The following NUP54 variants were observed in gnomAD, a reference collection of about 807,000 sequenced individuals.
NUP54 encodes nucleoporin 54.
A neutral mutation model predicts 66.4 loss-of-function variants in NUP54; 27 were observed. The observed-to-expected ratio is 0.41, with a 90% CI of 0.30 to 0.56. NUP54 has a LOEUF of 0.56. Among genes scored for constraint, NUP54 ranks in the 20% least tolerant of loss-of-function variants. NUP54 has a pLI of 0.34. For synonymous variants in NUP54, 206 were observed against 210.7 expected (o/e 0.98, Z 0.19); for missense variants, 486 against 596.3 (o/e 0.82, Z 1.93).
At chr4:76,118,424 C>T in intron 9 of NUP54, 1 of 449,834 alleles carries the variant, frequency 2.2e-6, no homozygotes, top group Non-Finnish European at 4.1e-6. Context: ...CTTGCTCTGT[C>T]TCCCAGGCTG....
intron 3 of NUP54, among the ~76,000 whole-genome samples, chr4:76,140,785 A>C (rs1731237589): frequency 6.6e-6 from 1 of 151,820 alleles, no homozygotes. Flanking sequence ...CCTCTTCCAT[A>C]ATGTGTGATC....
In NUP54 at chr4:76,134,366, T is replaced by A. The variant is rs967501938; in HGVS notation, c.523-4A>T. 2 of 1,606,096 alleles carry A rather than the reference T, an allele frequency of 1.2e-6. No homozygotes were observed. Among genetic ancestry groups the A allele is most frequent in the Admixed American group, 1.7e-5 (1 of 58,598 alleles). The stretch of plus-strand genomic sequence containing the variant: ...GCATGCAACTATAACCTACTGCCTG[T>A]GGAATGACAAAATAAACAATATAAA... On this transcript the variant is annotated splice_region_variant and splice_polypyrimidine_tract_variant and intron_variant, in intron 4 of 11. Coordinates refer to ENST00000264883, the MANE Select transcript of NUP54 (RefSeq NM_017426.4).
rs780940472 is a variant in NUP54 at position 76,144,305 on chromosome 4, A to G, written c.152-13T>C. On this transcript the variant is annotated splice_polypyrimidine_tract_variant and intron_variant, in intron 2 of 11. Coordinates refer to ENST00000264883, the MANE Select transcript of NUP54 (RefSeq NM_017426.4). ...CCACCAAAGAGTCCTTTGAATGAAAAATTGGAACTTCGTAAGTTAAAAAAA... is the reference window on the plus strand; with the variant it reads ...CCACCAAAGAGTCCTTTGAATGAAAGATTGGAACTTCGTAAGTTAAAAAAA... 3.2e-5 allele frequency: 51 copies of G among 1,593,366 alleles called. No homozygotes were observed. The highest frequency in any genetic ancestry group is 4.2e-5 in the Non-Finnish European group (49 of 1,175,354).
chr4:76,118,930 C>T (rs565485980), intron 9 of NUP54, among the ~76,000 whole-genome samples: 2 of 151,994 alleles, frequency 1.3e-5, no homozygotes, highest in South Asian at 2.1e-4. Flanking sequence ...GCGGAAAACC[C>T]GGGAGGCAGA....
chr4:76,136,034 A>C, intron 4 of NUP54, 152 bp downstream of exon 4: 1 of 622,518 alleles, frequency 1.6e-6, no homozygotes, highest in East Asian at 2.9e-5. Flanking sequence ...AAATCACTTC[A>C]ATTTTATAAT....
At chr4:76,135,023 T>C (rs1247457960) in intron 4 of NUP54, among the ~76,000 whole-genome samples, 5 of 152,120 alleles carry the variant, frequency 3.3e-5, no homozygotes, top group African/African-American at 1.2e-4. Context: ...TATTGGGATG[T>C]AACCCATAAT....
intron 7 of NUP54, 78 bp downstream of exon 7, chr4:76,131,152 A>G: frequency 1.1e-6 from 1 of 873,992 alleles, no homozygotes; most frequent in Non-Finnish European, 1.9e-6. Flanking sequence ...TGTAAGAATT[A>G]TAATTAATAG....
rs13115827 is a variant in NUP54, at chr4:76,118,199, A to G, written c.1165-5T>C. 299,002 of 1,609,756 alleles carry G rather than the reference A, an allele frequency of 0.19. 29,312 individuals are homozygous for G. Among genetic ancestry groups the G allele is most frequent in the East Asian group, 0.37 (16,417 of 44,806 alleles). On this transcript the variant is annotated splice_region_variant and splice_polypyrimidine_tract_variant and intron_variant, in intron 9 of 11. Transcript: ENST00000264883. The stretch of plus-strand genomic sequence containing the variant: ...AATTTCCTGTTTGATTAGGACCTAT[A>G]CAAATAAAAACCACCAATAACAACA...
At chr4:76,120,003 T>C (rs1376629259) in intron 9 of NUP54, among the ~76,000 whole-genome samples, 1 of 152,192 alleles carries the variant, frequency 6.6e-6, no homozygotes, top group African/African-American at 2.4e-5. Context: ...TTAAGAAGTA[T>C]AGCTCTAATT....
At chr4:76,124,592 A>G in intron 9 of NUP54, 57 bp downstream of exon 9, 1 of 657,090 alleles carries the variant, frequency 1.5e-6, no homozygotes, top group Non-Finnish European at 2.7e-6. Context: ...TATATTTAGT[A>G]CATTATTTCA....
chr4:76,123,696 T>C (rs901677836), intron 9 of NUP54, among the ~76,000 whole-genome samples: 1 of 152,060 alleles, frequency 6.6e-6, no homozygotes, highest in Non-Finnish European at 1.5e-5. Context: ...TGTATTTTAG[T>C]AGAGATGGGG....
intron 9 of NUP54, among the ~76,000 whole-genome samples, chr4:76,119,289 T>C (rs913589089): frequency 6.6e-6 from 1 of 152,138 alleles, no homozygotes; most frequent in Non-Finnish European, 1.5e-5. Context: ...TGTACCTTTC[T>C]CCTTGCTCAT....
intron 9 of NUP54, among the ~76,000 whole-genome samples, chr4:76,119,872 CT>C (rs367959981): frequency 3.0e-4 from 45 of 151,800 alleles, no homozygotes; most frequent in African/African-American, 1.0e-3. Context: ...AGACCGACTG[CT>C]TTTTACTCAT....
chr4:76,143,992 T>G (rs957253576), intron 3 of NUP54, 157 bp downstream of exon 3: 8 of 719,270 alleles, frequency 1.1e-5, no homozygotes, highest in East Asian at 1.1e-4. Context: ...TTCTCCCCAG[T>G]TGCTATCATA....
intron 3 of NUP54, among the ~76,000 whole-genome samples, chr4:76,137,563 T>A (rs1578688874): frequency 1.3e-5 from 2 of 152,268 alleles, no homozygotes; most frequent in South Asian, 4.1e-4. Flanking sequence ...TATTAAAAAA[T>A]ATATATAGTA....
chr4:76,143,946 A>C (rs533833308), intron 3 of NUP54, among the ~76,000 whole-genome samples: 22 of 152,190 alleles, frequency 1.4e-4, no homozygotes, highest in Non-Finnish European at 2.2e-4. Flanking sequence ...GATCCTAAAC[A>C]CAGGGACCTT....
intron 1 of NUP54, 48 bp from the exon 2 acceptor site, chr4:76,144,521 T>C: frequency 6.1e-6 from 8 of 1,318,598 alleles, no homozygotes; most frequent in Non-Finnish European, 8.4e-6. Context: ...TTTGTATATA[T>C]AAAGGCAACT....
chr4:76,147,899 C>T (rs1215368718), intron 1 of NUP54: 2 of 296,352 alleles, frequency 6.7e-6, no homozygotes, highest in East Asian at 7.6e-5. Context: ...GCCGGTGGAT[C>T]CCCAGCCCTA....
intron 1 of NUP54, 40 bp from the exon 2 acceptor site, chr4:76,144,513 T>C: frequency 2.0e-6 from 3 of 1,481,540 alleles, no homozygotes; most frequent in Non-Finnish European, 1.8e-6. Context: ...AAGAATCTTT[T>C]GTATATATAA....
Sources: allele counts gnomAD v4.1 joint callset (sites outside exome capture counted in the v4.1 genomes callset), GRCh38; gene constraint gnomAD v4.1.1; transcripts MANE v1.5; gene names NCBI Gene and HGNC (gene_info 2026-07-23, HGNC 2026-07-21).